PHTF1: variants seen among roughly 807,000 people sequenced by gnomAD.
PHTF1 encodes putative homeodomain transcription factor 1.
A neutral mutation model predicts 102.4 loss-of-function variants in PHTF1; 88 were observed. The observed-to-expected ratio is 0.86, with a 90% CI of 0.72 to 1.03. The LOEUF (loss-of-function observed/expected upper bound fraction) is 1.03, where lower values mean the gene tolerates loss of function less well. Ranked by LOEUF, PHTF1 falls within the 50% of genes least tolerant of loss-of-function variation. The probability of loss-of-function intolerance (pLI) is 0.00; values close to 1 mark genes in which losing one functional copy is unlikely to be tolerated. For missense variants in PHTF1, 814 were observed against 909.5 expected (o/e 0.89, Z 1.35); for synonymous variants, 289 against 305.2 (o/e 0.95, Z 0.55).
At chr1:113,751,129 AAAC>A (rs1658011719) in intron 3 of PHTF1, among the ~76,000 whole-genome samples, 2 of 152,256 alleles carry the variant, frequency 1.3e-5, no homozygotes, top group South Asian at 4.1e-4. Context: ...AAAATTTAGA[AAAC>A]AATTTTAATT....
chr1:113,744,570 A>G (rs913773660), intron 3 of PHTF1, among the ~76,000 whole-genome samples: 2 of 152,228 alleles, frequency 1.3e-5, no homozygotes, highest in African/African-American at 4.8e-5. Context: ...AAGAAGTCCA[A>G]GAAAGATTTC....
At chr1:113,704,929 G>T in intron 13 of PHTF1, 132 bp from the exon 14 acceptor site, 1 of 669,066 alleles carries the variant, frequency 1.5e-6, no homozygotes, top group Non-Finnish European at 2.5e-6. Flanking sequence ...CAGTAAGATG[G>T]GCAGTGAAAA....
intron 4 of PHTF1, 105 bp from the exon 5 acceptor site, chr1:113,738,373 A>C: frequency 1.3e-6 from 1 of 797,832 alleles, no homozygotes; most frequent in South Asian, 2.0e-5. Flanking sequence ...ATCAGCACAA[A>C]ACCTGTTCAG....
chr1:113,704,674 A>G lies in PHTF1; in HGVS notation c.1795T>C (p.Tyr599His). The G allele has an allele frequency of 6.3e-7, 1 of 1,583,618 alleles. No homozygotes were observed. Among genetic ancestry groups the G allele is most frequent in the Non-Finnish European group, 8.6e-7 (1 of 1,162,676 alleles). Reference protein sequence around the residue: ...NIKIWLSLRSYLKRRGPQRSV... With the variant: ...NIKIWLSLRSHLKRRGPQRSV... Reference sequence around the variant, plus strand: ...AATCAAATAAAACTCACCTTTAGATAGGAACGCAGTGATAACCATATTTTA... The same window carrying G: ...AATCAAATAAAACTCACCTTTAGATGGGAACGCAGTGATAACCATATTTTA... The change falls in exon 14 of 19, where the codon TAT (tyrosine) becomes CAT (histidine). Residue 599 changes from tyrosine to histidine, a missense_variant. Coordinates refer to ENST00000369604, the MANE Select transcript of PHTF1 (RefSeq NM_001323043.2).
Position 113,700,742 on chromosome 1 carries a change from C to T in PHTF1, c.2046+52G>A, listed in dbSNP as rs564552911. 39 of 1,521,278 alleles carry T rather than the reference C, an allele frequency of 2.6e-5. No homozygotes were observed. In the Admixed American group the frequency reaches 3.1e-4, roughly 12 times the overall value. 94.2% of individuals were successfully genotyped at this position (1,521,278 alleles called of 1,614,324 possible). The stretch of plus-strand genomic sequence containing the variant: ...TGAATCCTCTGCAGGAACCTTACAG[C>T]GTATTACGCTACCCCTAACCACTAA... On this transcript the variant is annotated intron_variant, in intron 16 of 18. Transcript: ENST00000369604.
At chr1:113,701,643 CAGCTCCAT>C (rs1016905862) in intron 15 of PHTF1, among the ~76,000 whole-genome samples, 3 of 151,748 alleles carry the variant, frequency 2.0e-5, no homozygotes, top group African/African-American at 7.3e-5. Flanking sequence ...TCCTCTTAGC[CAGCTCCAT>C]TGCCTTACAA....
chr1:113,742,063 G>C (rs917969736), intron 3 of PHTF1, among the ~76,000 whole-genome samples: 1 of 152,114 alleles, frequency 6.6e-6, no homozygotes, highest in Non-Finnish European at 1.5e-5. Flanking sequence ...ACTATCCTAA[G>C]CACTTTTACA....
At chr1:113,716,803 G>A (rs1652114569) in intron 7 of PHTF1, among the ~76,000 whole-genome samples, 2 of 152,076 alleles carry the variant, frequency 1.3e-5, no homozygotes, top group Non-Finnish European at 2.9e-5. Flanking sequence ...CTGCCTACAA[G>A]AAATGCAAAA....
At position 113,724,935 on chromosome 1, in the gene PHTF1, C is replaced by G. The variant is rs765801271; in HGVS notation, c.489-42G>C. On this transcript the variant is annotated intron_variant, in intron 6 of 18. Coordinates refer to ENST00000369604, the MANE Select transcript of PHTF1 (RefSeq NM_001323043.2). ...CAATAACTTCAGATTATTCAAGACC[C>G]TTTCTATTTCTGCCAAAAATATCCC... 15 of 1,436,402 alleles carry G rather than the reference C, an allele frequency of 1.0e-5. No individual in the cohort carries two copies. The African/African-American group carries it at 2.2e-4, about 21-fold the overall frequency. 89.0% of individuals were successfully genotyped at this position (1,436,402 alleles called of 1,614,324 possible).
intron 5 of PHTF1, among the ~76,000 whole-genome samples, chr1:113,733,526 C>T (rs901435036): frequency 1.3e-4 from 20 of 152,118 alleles, no homozygotes; most frequent in Middle Eastern, 3.4e-3. Context: ...TTAATGTGAT[C>T]GTATTAGGAG....
intron 7 of PHTF1, among the ~76,000 whole-genome samples, chr1:113,719,395 C>T (rs1202815981): frequency 6.6e-6 from 1 of 152,166 alleles, no homozygotes; most frequent in African/African-American, 2.4e-5. Context: ...TTTAACCACA[C>T]CCAAATCACC....
intron 3 of PHTF1, among the ~76,000 whole-genome samples, chr1:113,750,500 T>C (rs1250612564): frequency 1.3e-5 from 2 of 152,086 alleles, no homozygotes; most frequent in Admixed American, 6.5e-5. Context: ...AAAGATAATA[T>C]TAATTAATAT....
chr1:113,699,344 A>G (rs551921429), intron 17 of PHTF1: 4 of 373,820 alleles, frequency 1.1e-5, no homozygotes, highest in Non-Finnish European at 2.1e-5. Flanking sequence ...TTGGAGCACT[A>G]ACACCCAGAC....
At chr1:113,729,503 C>T (rs1360488126) in intron 5 of PHTF1, among the ~76,000 whole-genome samples, 1 of 152,038 alleles carries the variant, frequency 6.6e-6, no homozygotes, top group African/African-American at 2.4e-5. Context: ...CAAAGTATCT[C>T]ATCTACCTTA....
At chr1:113,708,007 G>A (rs1557910793) in intron 11 of PHTF1, among the ~76,000 whole-genome samples, 1 of 152,322 alleles carries the variant, frequency 6.6e-6, no homozygotes, top group Admixed American at 6.5e-5. Flanking sequence ...AAGAAGGTTA[G>A]TTGAGTCGAA....
intron 5 of PHTF1, among the ~76,000 whole-genome samples, chr1:113,735,747 T>G (rs1013230817): frequency 6.6e-6 from 1 of 152,140 alleles, no homozygotes; most frequent in Admixed American, 6.5e-5. Flanking sequence ...ATTTGTAAAT[T>G]TATACATATA....
chr1:113,723,811 G>A (rs1258833291), intron 7 of PHTF1, among the ~76,000 whole-genome samples: 10 of 152,052 alleles, frequency 6.6e-5, no homozygotes, highest in African/African-American at 2.4e-4. Flanking sequence ...ATATAGCAAA[G>A]GAAACAATCA....
rs1041896116 is a variant in PHTF1, at chr1:113,712,193, AT to A, written c.784-81del. 53 of 1,148,174 alleles carry A rather than the reference AT, an allele frequency of 4.6e-5. No individual in the cohort carries two copies. The African/African-American group carries it at 6.4e-4, about 14-fold the overall frequency. 71.1% of individuals were successfully genotyped at this position (1,148,174 alleles called of 1,614,324 possible). A position where few individuals can be genotyped will look rare whatever the true frequency, so the allele number is the denominator to read the frequency against. ...GCTGCATGTGTAAAAACAAAAAAAA[AT>A]CATACAAAAACTACCAAGCAGCAAA... On this transcript the variant is annotated intron_variant, in intron 8 of 18. Coordinates refer to ENST00000369604, the MANE Select transcript of PHTF1 (RefSeq NM_001323043.2).
chr1:113,729,300 G>T (rs984142522), intron 5 of PHTF1, among the ~76,000 whole-genome samples: 1 of 152,146 alleles, frequency 6.6e-6, no homozygotes, highest in Non-Finnish European at 1.5e-5. Context: ...GGGATGTGGG[G>T]ATGGTTCATG....
Sources: allele counts gnomAD v4.1 joint callset (sites outside exome capture counted in the v4.1 genomes callset), GRCh38; gene constraint gnomAD v4.1.1; transcripts MANE v1.5; gene names NCBI Gene and HGNC (gene_info 2026-07-23, HGNC 2026-07-21).